DHX32: variants seen among roughly 807,000 people sequenced by gnomAD.
DHX32 encodes the protein putative pre-mRNA-splicing factor ATP-dependent RNA helicase DHX32.
In DHX32, 51 loss-of-function variants were observed where a neutral mutation model predicts 70.0. That is an observed-to-expected ratio of 0.73 (90% CI 0.58 to 0.92). DHX32 has a LOEUF of 0.92. Among genes scored for constraint, DHX32 ranks in the 40% least tolerant of loss-of-function variants. The pLI, the probability that DHX32 is intolerant of heterozygous loss-of-function variation, is 0.00. For missense variants in DHX32, 762 were observed against 891.8 expected (o/e 0.85, Z 1.85); for synonymous variants, 310 against 315.3 (o/e 0.98, Z 0.18).
intron 1 of DHX32, among the ~76,000 whole-genome samples, chr10:125,886,557 T>C (rs1220796137): frequency 1.3e-5 from 2 of 152,302 alleles, no homozygotes; most frequent in Non-Finnish European, 2.9e-5. Context: ...ATTCACTATG[T>C]TTCTGGATTT....
chr10:125,871,605 A>G (rs1241131683), intron 1 of DHX32, among the ~76,000 whole-genome samples: 2 of 152,248 alleles, frequency 1.3e-5, no homozygotes, highest in African/African-American at 2.4e-5. Context: ...CTTATTTGTT[A>G]GAGTTCTCCA....
rs753053597 is a variant in DHX32 at position 125,852,656 on chromosome 10, GAC to G, written c.1093-16_1093-15del. The G allele has an allele frequency of 6.9e-6, 11 of 1,593,220 alleles. No homozygotes were observed. The African/African-American group carries it at 1.5e-4, about 22-fold the overall frequency. The stretch of plus-strand genomic sequence containing the variant: ...CGGGTTGTACACCTTTAAATGGAAA[GAC>G]AGCATCATTAGCGTCAGATAAGTCA... On this transcript the variant is annotated splice_polypyrimidine_tract_variant and intron_variant, in intron 4 of 10. Transcript: ENST00000284690.
chr10:125,843,504 C>T (rs1385454874), intron 6 of DHX32, among the ~76,000 whole-genome samples: 6 of 151,704 alleles, frequency 4.0e-5, no homozygotes, highest in African/African-American at 9.7e-5. Context: ...CCCAGCTACT[C>T]GGGAGGTTGA....
At chr10:125,879,016 T>C (rs1426717179) in intron 1 of DHX32, among the ~76,000 whole-genome samples, 24 of 12,050 alleles carry the variant, frequency 2.0e-3, no homozygotes, top group African/African-American at 5.7e-3. Context: ...CCTTTTCTTG[T>C]TTTTTTTTTT....
chr10:125,866,512 G>T lies in DHX32; in HGVS notation c.476+478C>A, dbSNP rs778436366. 6.6e-6 allele frequency among the ~76,000 whole-genome samples: 1 copy of T among 152,198 alleles called. No individual in the cohort carries two copies. The highest frequency in any genetic ancestry group is 1.5e-5 in the Non-Finnish European group (1 of 68,026). The stretch of plus-strand genomic sequence containing the variant: ...GGTTTTCTAATGTGTATTACTGGAG[G>T]GGCAGGGAAGCCTTCCTGGAGTAGG... On this transcript the variant is annotated intron_variant, in intron 2 of 10. Transcript: ENST00000284690. The surrounding 1 kb of genome is among the most constrained non-coding windows in gnomAD (Gnocchi z 4.8).
chr10:125,852,695 G>C (rs1167710637), intron 4 of DHX32, 53 bp from the exon 5 acceptor site: 3 of 1,492,226 alleles, frequency 2.0e-6, no homozygotes, highest in Non-Finnish European at 2.7e-6. Context: ...GATTCAGTAG[G>C]CTCACTGATC....
At chr10:125,847,567 C>T (rs1016631524) in intron 6 of DHX32, among the ~76,000 whole-genome samples, 1 of 152,120 alleles carries the variant, frequency 6.6e-6, no homozygotes, top group Non-Finnish European at 1.5e-5. Flanking sequence ...CACCAGGGAC[C>T]GACTTCATGG....
At chr10:125,855,593 T>G (rs1944140525) in intron 3 of DHX32, among the ~76,000 whole-genome samples, 1 of 151,640 alleles carries the variant, frequency 6.6e-6, no homozygotes, top group African/African-American at 2.4e-5. Context: ...GGACTACAGG[T>G]GCCCACCACC....
rs528964683 is a variant in DHX32 at position 125,839,107 on chromosome 10, A to G, written c.1775T>C (p.Leu592Ser). 7.4e-6 allele frequency: 12 copies of G among 1,614,220 alleles called. No individual in the cohort carries two copies. The highest frequency in any genetic ancestry group is 4.4e-5 in the South Asian group (4 of 91,092). The stretch of plus-strand genomic sequence containing the variant: ...AAGCTCGATTCGCTTGATAATTTCT[A>G]AGAGTTCAGCTCGAATAACATCTGC... Reference protein sequence around the residue: ...RMADVIRAELLEIIKRIELPY... With the variant: ...RMADVIRAELSEIIKRIELPY... Residue 592 changes from leucine (L) to serine (S), a missense_variant, in exon 9 of 11, where the codon TTA becomes TCA. Leu to Ser is a moderately radical substitution (Grantham distance 145). Around this residue, in one of 3 missense-constraint regions of DHX32, gnomAD observed 366 missense variants for 402.6 expected, o/e 0.91. Coordinates refer to ENST00000284690, the MANE Select transcript of DHX32 (RefSeq NM_018180.3).
At chr10:125,889,446 A>C (rs1944357312) in intron 1 of DHX32, among the ~76,000 whole-genome samples, 1 of 152,164 alleles carries the variant, frequency 6.6e-6, no homozygotes, top group South Asian at 2.1e-4. Context: ...ATTTTTGGAG[A>C]GCGGGATCAC....
rs1166040500 is a variant in DHX32, at chr10:125,888,467, A to G, written c.-247-7396T>C. On this transcript the variant is annotated intron_variant, in intron 1 of 2. Coordinates refer to the DHX32 transcript ENST00000415732. ...AGAAATTGTGCTCATTTTAACCAAA[A>G]CTTTATAAATATTTTAAGATTTATT... Among the ~76,000 whole-genome samples, 3 of 152,210 alleles carry G rather than the reference A, an allele frequency of 2.0e-5. No individual in the cohort carries two copies. The East Asian group carries it at 5.8e-4, about 29-fold the overall frequency.
rs1429959984 is a variant in DHX32, at chr10:125,839,049, T to C, written c.1833A>G (p.Glu611=). 4 of 1,614,110 alleles carry C rather than the reference T, an allele frequency of 2.5e-6. No individual in the cohort carries two copies. The African/African-American group carries it at 4.0e-5, about 16-fold the overall frequency. The change falls in exon 9 of 11, where the codon GAA becomes GAG. Residue 611 remains glutamate (E), a synonymous_variant. Transcript: ENST00000284690. ...GAGCTTTCTTTATGTTTAGAGTGTT[T>C]TCCTTGGAGCCAAAAGCAGGTTCTG... is the stretch of plus-strand genomic sequence containing the variant. ...PYAEPAFGSK[E]NTLNIKKALL...
chr10:125,859,536 G>A (rs763387560), intron 3 of DHX32, 67 bp downstream of exon 3: 50 of 1,485,926 alleles, frequency 3.4e-5, no homozygotes, highest in Non-Finnish European at 4.2e-5. Context: ...AAACCTGTAT[G>A]TTAGTTATTA....
intron 1 of DHX32, among the ~76,000 whole-genome samples, chr10:125,868,149 C>A (rs899590069): frequency 6.6e-6 from 1 of 152,120 alleles, no homozygotes; most frequent in African/African-American, 2.4e-5. Context: ...TACTCTAGAG[C>A]CATTTTATTT....
intron 4 of DHX32, 82 bp from the exon 5 acceptor site, chr10:125,852,724 G>T: frequency 3.2e-6 from 4 of 1,257,630 alleles, no homozygotes; most frequent in East Asian, 2.3e-5. Context: ...AATATGCTGC[G>T]CAGTACTTTA....
At chr10:125,862,582 A>C (rs549489118) in intron 2 of DHX32, among the ~76,000 whole-genome samples, 38 of 152,304 alleles carry the variant, frequency 2.5e-4, no homozygotes, top group African/African-American at 8.9e-4. Flanking sequence ...ATGTAAATAC[A>C]TCTAGGCTTA....
intron 6 of DHX32, among the ~76,000 whole-genome samples, chr10:125,851,019 G>T (rs574658418): frequency 2.8e-4 from 43 of 152,310 alleles, no homozygotes; most frequent in African/African-American, 1.0e-3. Flanking sequence ...TTGTCAGGCA[G>T]CCAAGGAAGA....
At position 125,880,863 on chromosome 10, in the gene DHX32, A is replaced by G; in HGVS notation, c.-39T>C. On this transcript the variant is annotated 5_prime_UTR_variant, in exon 1 of 11. Coordinates refer to ENST00000284690, the MANE Select transcript of DHX32 (RefSeq NM_018180.3). ...GAGCTCACGCAGCTGACATTCCACAAGCAAGTTTCTCCTATCAGTAACCCA... is the reference window on the plus strand; with the variant it reads ...GAGCTCACGCAGCTGACATTCCACAGGCAAGTTTCTCCTATCAGTAACCCA... 2 of 1,584,968 alleles carry G rather than the reference A, an allele frequency of 1.3e-6. No homozygotes were observed. The highest frequency in any genetic ancestry group is 2.2e-5 in the East Asian group (1 of 44,666).
intron 6 of DHX32, among the ~76,000 whole-genome samples, chr10:125,851,793 C>T (rs1019580778): frequency 6.6e-6 from 1 of 151,874 alleles, no homozygotes; most frequent in Non-Finnish European, 1.5e-5. Flanking sequence ...TGGTGGCTTG[C>T]ACCTGTGGTC....
Sources: allele counts gnomAD v4.1 joint callset (sites outside exome capture counted in the v4.1 genomes callset), GRCh38; gene constraint gnomAD v4.1.1; regional missense constraint gnomAD v4.1.1; non-coding constraint Gnocchi (gnomAD v3.1); transcripts MANE v1.5; gene names NCBI Gene and HGNC (gene_info 2026-07-23, HGNC 2026-07-21).